ZNF75D: variants seen among roughly 807,000 people sequenced by gnomAD.
ZNF75D encodes the protein zinc finger protein 75.
ZNF75D carries 33 observed loss-of-function variants against 33.3 expected under a neutral mutation model. The ratio of observed to expected loss-of-function variants is 0.99; its 90% CI spans 0.75 to 1.32. The LOEUF (loss-of-function observed/expected upper bound fraction) is 1.32, where lower values mean the gene tolerates loss of function less well. Among genes scored for constraint, ZNF75D ranks in the 40% most tolerant of loss-of-function variants. The pLI, the probability that ZNF75D is intolerant of heterozygous loss-of-function variation, is 0.00. For synonymous variants in ZNF75D, 113 were observed against 130.6 expected, an observed-to-expected ratio of 0.87 and a Z score of 0.92; for missense variants, 338 against 367.5, an observed-to-expected ratio of 0.92 and a Z score of 0.66.
intron 1 of ZNF75D, among the ~76,000 whole-genome samples, chrX:135,302,371 T>G (rs782697488): frequency 8.9e-6 from 1 of 111,907 alleles, no homozygotes; most frequent in East Asian, 2.8e-4. Context: ...AAAGCTGTAG[T>G]TATGGCTTGT....
At chrX:135,262,082 A>G (rs1240071199) in intron 1 of ZNF75D, among the ~76,000 whole-genome samples, 3 of 111,825 alleles carry the variant, frequency 2.7e-5, no homozygotes, top group Non-Finnish European at 3.8e-5. Context: ...GAAATTCTGG[A>G]TTGAAAATTC....
chrX:135,338,083 G>T (rs782737281), intron 1 of ZNF75D, among the ~76,000 whole-genome samples: 4 of 111,234 alleles, frequency 3.6e-5, no homozygotes, highest in South Asian at 7.6e-4. Flanking sequence ...GGATGGGGAG[G>T]GATCAGAGAC....
intron 1 of ZNF75D, among the ~76,000 whole-genome samples, chrX:135,324,822 T>C (rs2084541544): frequency 8.9e-6 from 1 of 112,455 alleles, no homozygotes; most frequent in South Asian, 3.7e-4. Flanking sequence ...CGGTACATGC[T>C]GTGTTAGCCC....
rs556694405 is a variant in ZNF75D, at chrX:135,265,368, A to C, written n.828-9591T>G. On this transcript the variant is annotated intron_variant and non_coding_transcript_variant, in intron 1 of 3. Coordinates refer to the ZNF75D transcript ENST00000494295. ...AAGTACAAGAAGGCTATAGAACACC[A>C]AGCAGGTTTAACCTAAAGAAGACTA... 6.5e-4 allele frequency among the ~76,000 whole-genome samples: 73 copies of C among 111,856 alleles called. No homozygotes were observed. In the South Asian group the frequency reaches 0.026, roughly 39 times the overall value.
Position 135,257,787 on chromosome X carries a change from C to G in ZNF75D, n.828-2010G>C, listed in dbSNP as rs782692399. Among the ~76,000 whole-genome samples, 10 of 112,092 alleles carry G rather than the reference C, an allele frequency of 8.9e-5. No homozygotes were observed. The East Asian group carries it at 2.2e-3, about 25-fold the overall frequency. Reference sequence around the variant, plus strand: ...GGAGGGGAGGTCTCCGCATGGCAATCCAAGGAATTCTTAGAGATCTTTTAT... The same window carrying G: ...GGAGGGGAGGTCTCCGCATGGCAATGCAAGGAATTCTTAGAGATCTTTTAT... On this transcript the variant is annotated intron_variant and non_coding_transcript_variant, in intron 1 of 3. Coordinates refer to the ZNF75D transcript ENST00000494295.
intron 1 of ZNF75D, among the ~76,000 whole-genome samples, chrX:135,270,962 T>C (rs1220820042): frequency 1.8e-5 from 2 of 112,234 alleles, no homozygotes; most frequent in Non-Finnish European, 3.8e-5. Flanking sequence ...TGTGAATCAT[T>C]TTTTGGATAT....
chrX:135,326,760 G>A (rs2084584096), intron 1 of ZNF75D, among the ~76,000 whole-genome samples: 1 of 110,334 alleles, frequency 9.1e-6, no homozygotes, highest in African/African-American at 3.3e-5. Context: ...CTCCAGATGC[G>A]CTGCCTTAAG....
At chrX:135,258,413 C>CA (rs2083819908) in intron 1 of ZNF75D, among the ~76,000 whole-genome samples, 1 of 110,883 alleles carries the variant, frequency 9.0e-6, no homozygotes, top group Non-Finnish European at 1.9e-5. Flanking sequence ...CTCCCATCAA[C>CA]GTGTAAAAGT....
At chrX:135,275,332 C>T (rs1475810453) in intron 1 of ZNF75D, among the ~76,000 whole-genome samples, 1 of 112,262 alleles carries the variant, frequency 8.9e-6, no homozygotes, top group East Asian at 2.8e-4. Context: ...TTGCTTCACA[C>T]TATGTTTACT....
At chrX:135,329,183 T>C (rs1420366610) in intron 1 of ZNF75D, among the ~76,000 whole-genome samples, 1 of 112,759 alleles carries the variant, frequency 8.9e-6, no homozygotes, top group Non-Finnish European at 1.9e-5. Flanking sequence ...TATGGCTCCA[T>C]GAAGAAACAA....
intron 1 of ZNF75D, chrX:135,297,380 T>C (rs1556423320): frequency 1.8e-5 from 2 of 112,332 alleles, no homozygotes. Flanking sequence ...CAGAGCATCG[T>C]CTTCAGAATG....
rs1157643467 is a variant in ZNF75D, at chrX:135,343,813, C to G, written c.-2436G>C. ...GCGTGCTCCGGTTTCAAGTTCCAGC[C>G]GGTGAGCCCAACTTTGGACCCGGCA... is the stretch of plus-strand genomic sequence containing the variant. On this transcript the variant is annotated 5_prime_UTR_variant, in exon 1 of 7. Transcript: ENST00000370766. 2 of 111,704 alleles carry G rather than the reference C, an allele frequency of 1.8e-5. No individual in the cohort carries two copies. The highest frequency in any genetic ancestry group is 3.8e-5 in the Non-Finnish European group (2 of 53,088). 9.2% of individuals were successfully genotyped at this position (111,704 alleles called of 1,213,427 possible).
At chrX:135,303,391 A>G (rs191547357) in intron 1 of ZNF75D, among the ~76,000 whole-genome samples, 84 of 111,941 alleles carry the variant, frequency 7.5e-4, no homozygotes, top group African/African-American at 2.2e-3. Flanking sequence ...TTTCCTAGGC[A>G]GAGGTCCCTG....
At chrX:135,290,475 C>T (rs188855943) in intron 6 of ZNF75D, among the ~76,000 whole-genome samples, 26 of 112,145 alleles carry the variant, frequency 2.3e-4, no homozygotes, top group Middle Eastern at 4.6e-3. Flanking sequence ...CTTAGGATTA[C>T]GCTAATATTC....
chrX:135,326,920 G>C (rs782191590), intron 1 of ZNF75D, among the ~76,000 whole-genome samples: 1 of 112,720 alleles, frequency 8.9e-6, no homozygotes, highest in South Asian at 3.7e-4. Flanking sequence ...CACTCACCGC[G>C]AGAGTCCGCG....
chrX:135,330,049 G>C (rs1207582739), intron 1 of ZNF75D, among the ~76,000 whole-genome samples: 2 of 112,192 alleles, frequency 1.8e-5, no homozygotes, highest in African/African-American at 3.2e-5. Context: ...TTGATAGGGA[G>C]CTTGGCCTAC....
intron 1 of ZNF75D, among the ~76,000 whole-genome samples, chrX:135,264,171 C>T (rs1352198608): frequency 1.8e-5 from 2 of 111,772 alleles, no homozygotes; most frequent in Non-Finnish European, 3.8e-5. Flanking sequence ...ACACTCATAG[C>T]AGAAGGGGAA....
At chrX:135,319,970 AT>A (rs1556433487) in intron 1 of ZNF75D, among the ~76,000 whole-genome samples, 2 of 112,708 alleles carry the variant, frequency 1.8e-5, no homozygotes, top group African/African-American at 6.5e-5. Flanking sequence ...TTTGACATAT[AT>A]AACAAAAATG....
At chrX:135,326,359 A>T (rs1302617064) in intron 1 of ZNF75D, among the ~76,000 whole-genome samples, 2 of 108,798 alleles carry the variant, frequency 1.8e-5, no homozygotes, top group Admixed American at 9.7e-5. Context: ...GTATCTAGCT[A>T]CTCTGGTGGG....
Sources: allele counts gnomAD v4.1 joint callset (sites outside exome capture counted in the v4.1 genomes callset), GRCh38; gene constraint gnomAD v4.1.1; transcripts MANE v1.5; gene names NCBI Gene and HGNC (gene_info 2026-07-23, HGNC 2026-07-21).